The following TEC variants were observed in gnomAD, a reference collection of about 807,000 sequenced individuals.
The protein encoded by TEC is tec protein tyrosine kinase.
A neutral mutation model predicts 93.0 loss-of-function variants in TEC; 72 were observed. The observed-to-expected ratio is 0.77, with a 90% CI of 0.64 to 0.94. The LOEUF (loss-of-function observed/expected upper bound fraction) is 0.94. TEC is among the 40% of genes least tolerant of loss of function. TEC has a pLI of 0.00. For synonymous variants in TEC, 249 were observed against 247.7 expected, an observed-to-expected ratio of 1.01 and a Z score of -0.05; for missense variants, 630 against 757.9, an observed-to-expected ratio of 0.83 and a Z score of 1.98.
At chr4:48,152,143 A>G (rs895339330) in intron 9 of TEC, among the ~76,000 whole-genome samples, 1 of 152,156 alleles carries the variant, frequency 6.6e-6, no homozygotes, top group African/African-American at 2.4e-5. Context: ...AGTATAACAG[A>G]GGCCGGACAC....
intron 2 of TEC, among the ~76,000 whole-genome samples, chr4:48,205,320 A>G (rs1190309552): frequency 6.6e-6 from 1 of 152,152 alleles, no homozygotes; most frequent in East Asian, 1.9e-4. Flanking sequence ...GAGTCAGCTC[A>G]TGACAGCTCA....
chr4:48,145,317 T>C (rs1315260434), intron 13 of TEC, 22 bp from the exon 14 acceptor site: 4 of 1,612,712 alleles, frequency 2.5e-6, no homozygotes. Context: ...GACATATATA[T>C]AGTTACTATA....
intron 2 of TEC, among the ~76,000 whole-genome samples, chr4:48,224,359 C>T (rs769985243): frequency 6.6e-6 from 1 of 152,058 alleles, no homozygotes; most frequent in Non-Finnish European, 1.5e-5. Flanking sequence ...GAAATCAATT[C>T]CTCATTTTCT....
intron 2 of TEC, among the ~76,000 whole-genome samples, chr4:48,190,720 G>GA: frequency 6.6e-6 from 1 of 152,000 alleles, no homozygotes. Context: ...ATTGTTAAAG[G>GA]AAAAAAGACT....
At chr4:48,143,677 A>AGCT (rs1719778023) in intron 14 of TEC, among the ~76,000 whole-genome samples, 5 of 152,184 alleles carry the variant, frequency 3.3e-5, no homozygotes, top group Admixed American at 3.3e-4. Context: ...TCAATTCTCT[A>AGCT]ATATGTTTTA....
At chr4:48,150,978 T>A in intron 9 of TEC, 36 bp from the exon 10 acceptor site, 1 of 1,332,800 alleles carries the variant, frequency 7.5e-7, no homozygotes, top group Non-Finnish European at 1.0e-6. Context: ...TTTTTTACTC[T>A]AATTACTAAT....
In TEC at chr4:48,161,385, C is replaced by T. The variant is rs1720648417; in HGVS notation, c.737+2317G>A. Reference sequence around the variant, plus strand: ...CCACCAAGAACATCCTGTTATTAACCATCACAACGAATCTGCTTTCTTTTC... The same window carrying T: ...CCACCAAGAACATCCTGTTATTAACTATCACAACGAATCTGCTTTCTTTTC... On this transcript the variant is annotated intron_variant, in intron 8 of 17. Coordinates refer to ENST00000381501, the MANE Select transcript of TEC (RefSeq NM_003215.3). 2.0e-5 allele frequency among the ~76,000 whole-genome samples: 3 copies of T among 152,070 alleles called. No homozygotes were observed. In the South Asian group the frequency reaches 6.3e-4, roughly 32 times the overall value.
At chr4:48,195,152 G>A (rs1037960703) in intron 2 of TEC, among the ~76,000 whole-genome samples, 11 of 152,196 alleles carry the variant, frequency 7.2e-5, no homozygotes, top group African/African-American at 4.8e-5. Flanking sequence ...GACAATGGGA[G>A]TAGAAGGGAT....
chr4:48,199,431 T>C (rs999192154), intron 2 of TEC, among the ~76,000 whole-genome samples: 6 of 149,778 alleles, frequency 4.0e-5, no homozygotes, highest in African/African-American at 1.5e-4. Context: ...CACTCCAGTC[T>C]GGGCTACAGA....
chr4:48,172,204 A>G (rs746911359), intron 3 of TEC, among the ~76,000 whole-genome samples: 2 of 152,214 alleles, frequency 1.3e-5, no homozygotes, highest in South Asian at 4.1e-4. Flanking sequence ...TATTAATAAG[A>G]TAACCCTGGG....
Position 48,245,631 on chromosome 4 carries a change from T to C in TEC, c.-45-16972A>G, listed in dbSNP as rs534666840. 2.6e-5 allele frequency among the ~76,000 whole-genome samples: 4 copies of C among 152,346 alleles called. No homozygotes were observed. The South Asian group carries it at 6.2e-4, about 24-fold the overall frequency. ...ACTATTAATCGCTAAAACATTAAAA[T>C]GGACAGAGTAGATGGCACTTTGACA... On this transcript the variant is annotated intron_variant, in intron 1 of 17. Transcript: ENST00000381501.
At chr4:48,153,409 T>C (rs1720258307) in intron 9 of TEC, 1 of 152,178 alleles carries the variant, frequency 6.6e-6, no homozygotes, top group Non-Finnish European at 1.5e-5. Flanking sequence ...AACTCAGAGA[T>C]TGCAAAGACC....
chr4:48,157,552 A>C (rs1042187886), intron 8 of TEC, among the ~76,000 whole-genome samples: 1 of 152,146 alleles, frequency 6.6e-6, no homozygotes. Flanking sequence ...GTCTTGCTCC[A>C]TTACCCAGAC....
intron 1 of TEC, among the ~76,000 whole-genome samples, chr4:48,265,523 T>A (rs1380141000): frequency 1.6e-3 from 236 of 145,998 alleles, no homozygotes; most frequent in Non-Finnish European, 2.0e-3. Context: ...ATATTTTTTT[T>A]TTTTTTTGAG....
intron 9 of TEC, among the ~76,000 whole-genome samples, chr4:48,154,156 T>G (rs1013591862): frequency 1.3e-5 from 2 of 152,248 alleles, no homozygotes; most frequent in African/African-American, 2.4e-5. Flanking sequence ...TGTGCCTGTA[T>G]GCCTATATGT....
chr4:48,220,072 T>C (rs1408419414), intron 2 of TEC, among the ~76,000 whole-genome samples: 1 of 151,778 alleles, frequency 6.6e-6, no homozygotes, highest in Non-Finnish European at 1.5e-5. Context: ...AACATACATT[T>C]ATGTCATGGT....
At chr4:48,175,890 T>C (rs1358422147) in intron 3 of TEC, among the ~76,000 whole-genome samples, 192 bp downstream of exon 3, 2 of 152,210 alleles carry the variant, frequency 1.3e-5, no homozygotes, top group African/African-American at 4.8e-5. Context: ...TTTTCAGTCT[T>C]AGCCCCAACT....
At chr4:48,248,455 C>A (rs2109665245) in intron 1 of TEC, among the ~76,000 whole-genome samples, 1 of 152,266 alleles carries the variant, frequency 6.6e-6, no homozygotes, top group Middle Eastern at 3.4e-3. Flanking sequence ...GAATGCTTTA[C>A]ATTTATTTGC....
At chr4:48,199,700 C>T (rs59192457) in intron 2 of TEC, among the ~76,000 whole-genome samples, 14,170 of 151,962 alleles carry the variant, frequency 0.093, 734 homozygotes, top group South Asian at 0.18. Flanking sequence ...AACTCCTGAC[C>T]TCGTGATCCA....
Sources: gnomAD v4.1 joint callset for allele counts (sites outside exome capture counted in the v4.1 genomes callset) on GRCh38, gnomAD v4.1.1 for gene constraint, MANE v1.5 for transcripts, NCBI Gene and HGNC (gene_info 2026-07-23, HGNC 2026-07-21) for gene names.